Variants in DLG2 observed in about 807,000 individuals in gnomAD.
DLG2 encodes discs large MAGUK scaffold protein 2.
Under a neutral mutation model 132.5 loss-of-function variants are expected in DLG2, and 45 were observed. The observed-to-expected ratio is 0.34, with a 90% confidence interval of 0.27 to 0.44. DLG2 has a LOEUF of 0.44. DLG2 is among the 20% of genes least tolerant of loss of function. The pLI, the probability that DLG2 is intolerant of heterozygous loss-of-function variation, is 1.00. For missense variants in DLG2, 1,045 were observed against 1,196.9 expected (o/e 0.87, Z 1.87); for synonymous variants, 424 against 419.6 (o/e 1.01, Z -0.13).
chr11:85,554,144 G>A (rs2076812910), intron 3 of DLG2, among the ~76,000 whole-genome samples: 1 of 149,870 alleles, frequency 6.7e-6, no homozygotes, highest in Admixed American at 6.7e-5. Context: ...AAAGAAAGTA[G>A]AAGAAAAAAG....
chr11:83,849,161 T>A (rs2059197569), intron 16 of DLG2, among the ~76,000 whole-genome samples: 1 of 152,142 alleles, frequency 6.6e-6, no homozygotes, highest in Non-Finnish European at 1.5e-5. Flanking sequence ...TTGGTCAATT[T>A]ACTTCATCTT....
chr11:85,008,123 A>G (rs1303952491), intron 6 of DLG2, among the ~76,000 whole-genome samples: 1 of 152,172 alleles, frequency 6.6e-6, no homozygotes, highest in East Asian at 1.9e-4. Context: ...ACATTATTTT[A>G]TGTTAGGTTT....
chr11:83,937,764 T>C (rs998210069), intron 14 of DLG2, among the ~76,000 whole-genome samples: 2 of 152,144 alleles, frequency 1.3e-5, no homozygotes, highest in African/African-American at 4.8e-5. Flanking sequence ...AATTAAATGA[T>C]ACATCCCTTT....
At chr11:83,925,316 G>C (rs987492780) in intron 15 of DLG2, among the ~76,000 whole-genome samples, 5 of 152,102 alleles carry the variant, frequency 3.3e-5, no homozygotes, top group Non-Finnish European at 7.4e-5. Context: ...AAACTGCTCA[G>C]TGGAGCTCTC....
chr11:84,321,822 C>T (rs1373584269), intron 7 of DLG2, among the ~76,000 whole-genome samples: 1 of 152,168 alleles, frequency 6.6e-6, no homozygotes, highest in Non-Finnish European at 1.5e-5. Flanking sequence ...GGTGTCTTCC[C>T]TGTCCTTTGG....
At chr11:84,561,628 T>A (rs570086748) in intron 6 of DLG2, among the ~76,000 whole-genome samples, 1 of 152,288 alleles carries the variant, frequency 6.6e-6, no homozygotes, top group South Asian at 2.1e-4. Context: ...TTGACATTTA[T>A]AATTCCTCAA....
At chr11:83,660,687 G>C (rs2074025642) in intron 18 of DLG2, among the ~76,000 whole-genome samples, 1 of 152,162 alleles carries the variant, frequency 6.6e-6, no homozygotes, top group South Asian at 2.1e-4. Context: ...AACATGTAAG[G>C]TGACATAAAT....
At chr11:85,425,150 C>A (rs1210878226) in intron 3 of DLG2, among the ~76,000 whole-genome samples, 1 of 152,246 alleles carries the variant, frequency 6.6e-6, no homozygotes, top group Non-Finnish European at 1.5e-5. Context: ...ATTTCCAGGT[C>A]TTCTGATAGA....
chr11:84,562,470 C>T (rs1277755743), intron 6 of DLG2, among the ~76,000 whole-genome samples: 1 of 152,146 alleles, frequency 6.6e-6, no homozygotes, highest in Non-Finnish European at 1.5e-5. Flanking sequence ...TCTCCCTTGA[C>T]ATTTTATCTC....
intron 5 of DLG2, among the ~76,000 whole-genome samples, chr11:85,146,890 C>A (rs542373218): frequency 6.6e-6 from 1 of 152,328 alleles, no homozygotes; most frequent in African/African-American, 2.4e-5. Flanking sequence ...ACCCCAAACT[C>A]AGGTTCCTAC....
At chr11:84,929,534 T>C (rs1165373665) in intron 6 of DLG2, among the ~76,000 whole-genome samples, 4 of 152,062 alleles carry the variant, frequency 2.6e-5, no homozygotes, top group South Asian at 2.1e-4. Context: ...TGCAGGTATA[T>C]TGAATTGGCT....
intron 4 of DLG2, among the ~76,000 whole-genome samples, chr11:85,253,957 G>A (rs1378191353): frequency 3.3e-5 from 5 of 152,132 alleles, no homozygotes; most frequent in Non-Finnish European, 7.4e-5. Context: ...ACATCCAGCT[G>A]CTTCTCCTCT....
At chr11:85,032,448 G>A (rs1262711003) in intron 6 of DLG2, among the ~76,000 whole-genome samples, 1 of 152,096 alleles carries the variant, frequency 6.6e-6, no homozygotes, top group Non-Finnish European at 1.5e-5. Flanking sequence ...ATGAATATAT[G>A]GCAAATAACA....
intron 6 of DLG2, among the ~76,000 whole-genome samples, chr11:85,077,219 T>C (rs2066654400): frequency 6.6e-6 from 1 of 151,750 alleles, no homozygotes; most frequent in Non-Finnish European, 1.5e-5. Flanking sequence ...AAAAATGATA[T>C]GAAAAAAGGT....
chr11:84,915,999 C>T (rs988268080), intron 6 of DLG2, among the ~76,000 whole-genome samples: 16 of 152,032 alleles, frequency 1.1e-4, no homozygotes, highest in Non-Finnish European at 1.6e-4. Context: ...AAATCATGAA[C>T]GTATACATAT....
intron 7 of DLG2, among the ~76,000 whole-genome samples, chr11:84,517,771 G>C (rs913850639): frequency 3.3e-5 from 5 of 151,862 alleles, no homozygotes; most frequent in African/African-American, 1.2e-4. Context: ...ATGGATGAAC[G>C]GATAAAGAAA....
At chr11:84,052,546 G>A (rs370551353) in intron 11 of DLG2, among the ~76,000 whole-genome samples, 1 of 151,876 alleles carries the variant, frequency 6.6e-6, no homozygotes, top group Non-Finnish European at 1.5e-5. Flanking sequence ...GACATGAACA[G>A]AACCTTCTCA....
intron 9 of DLG2, among the ~76,000 whole-genome samples, chr11:84,110,671 C>T (rs546980450): frequency 1.2e-4 from 19 of 152,164 alleles, no homozygotes; most frequent in Non-Finnish European, 2.8e-4. Context: ...GAGAAAAGGC[C>T]CCACCTGAGT....
Position 84,538,744 on chromosome 11 carries a change from T to G in DLG2, c.358-4013A>C, listed in dbSNP as rs573068294. On this transcript the variant is annotated intron_variant, in intron 6 of 27. Coordinates refer to ENST00000376104, the MANE Select transcript of DLG2 (RefSeq NM_001142699.3). ...GGCAGGAGGAGACTGGAAGGCAGAT[T>G]GGTGTCCACTGTAGACAATAGGGAG... Among the ~76,000 whole-genome samples the G allele has an allele frequency of 9.4e-4, 143 of 152,210 alleles. 1 individual carries two copies. The highest frequency in any genetic ancestry group is 8.8e-5 in the Non-Finnish European group (6 of 68,004).
Sources: allele counts gnomAD v4.1 joint callset (sites outside exome capture counted in the v4.1 genomes callset), GRCh38; gene constraint gnomAD v4.1.1; transcripts MANE v1.5; gene names NCBI Gene and HGNC (gene_info 2026-07-23, HGNC 2026-07-21).